SLC39A11: variants seen among roughly 807,000 people sequenced by gnomAD.
SLC39A11 encodes zinc transporter ZIP11.
A neutral mutation model predicts 36.1 loss-of-function variants in SLC39A11; 33 were observed. That is an observed-to-expected ratio of 0.91 (90% CI 0.69 to 1.22). SLC39A11 has a LOEUF of 1.22. Among genes scored for constraint, SLC39A11 ranks in the 50% most tolerant of loss-of-function variants. The probability of loss-of-function intolerance (pLI) is 0.00; values close to 1 mark genes in which losing one functional copy is unlikely to be tolerated. For synonymous variants in SLC39A11, 166 were observed against 170.3 expected, an observed-to-expected ratio of 0.97 and a Z score of 0.20; for missense variants, 432 against 430.3, an observed-to-expected ratio of 1.00 and a Z score of -0.03.
chr17:72,677,148 C>G (rs2071302270), intron 7 of SLC39A11, among the ~76,000 whole-genome samples: 1 of 152,128 alleles, frequency 6.6e-6, no homozygotes, highest in Admixed American at 6.5e-5. Context: ...GTGGCTGGAC[C>G]TAAGGGAAGC....
At chr17:72,721,008 A>G (rs2073641358) in intron 7 of SLC39A11, among the ~76,000 whole-genome samples, 1 of 151,190 alleles carries the variant, frequency 6.6e-6, no homozygotes, top group African/African-American at 2.4e-5. Flanking sequence ...AGGTCGCCTC[A>G]TAGCCTAGAA....
intron 7 of SLC39A11, among the ~76,000 whole-genome samples, chr17:72,693,732 G>C (rs778173889): frequency 6.6e-6 from 1 of 152,020 alleles, no homozygotes; most frequent in Admixed American, 6.6e-5. Context: ...GCGCAATCTC[G>C]GCTCACTCCA....
intron 4 of SLC39A11, among the ~76,000 whole-genome samples, chr17:72,972,249 T>A (rs1156610429): frequency 2.6e-5 from 4 of 152,126 alleles, no homozygotes; most frequent in Admixed American, 6.5e-5. Flanking sequence ...TCACGGCCCA[T>A]CATGTCCAGA....
intron 4 of SLC39A11, among the ~76,000 whole-genome samples, chr17:73,024,644 A>T (rs1025068853): frequency 6.6e-6 from 1 of 152,102 alleles, no homozygotes; most frequent in Non-Finnish European, 1.5e-5. Flanking sequence ...CAGTTGTCAT[A>T]TTTGTTCTCT....
intron 5 of SLC39A11, among the ~76,000 whole-genome samples, chr17:72,894,081 G>T (rs544575781): frequency 1.3e-5 from 2 of 152,174 alleles, no homozygotes; most frequent in East Asian, 3.9e-4. Flanking sequence ...TACAGAGGGG[G>T]TTGGGCATGG....
intron 7 of SLC39A11, among the ~76,000 whole-genome samples, chr17:72,709,939 T>G (rs1474772572): frequency 6.6e-6 from 1 of 152,230 alleles, no homozygotes; most frequent in Non-Finnish European, 1.5e-5. Flanking sequence ...CATCCTCAGA[T>G]TATTTTCCCC....
chr17:73,074,719 G>A (rs898344785), intron 3 of SLC39A11, among the ~76,000 whole-genome samples: 22 of 152,264 alleles, frequency 1.4e-4, no homozygotes, highest in African/African-American at 5.3e-4. Flanking sequence ...CCAACAGTGA[G>A]CCAGTTATTT....
intron 3 of SLC39A11, among the ~76,000 whole-genome samples, chr17:73,078,207 C>A (rs2060389168): frequency 6.8e-6 from 1 of 147,500 alleles, no homozygotes; most frequent in Admixed American, 6.8e-5. Flanking sequence ...CTTTGCAGTC[C>A]AGCCTAGGTG....
At chr17:73,084,685 A>T in intron 3 of SLC39A11, 123 bp downstream of exon 3, 2 of 845,848 alleles carry the variant, frequency 2.4e-6, no homozygotes, top group South Asian at 1.4e-5. Context: ...GGGAGGTGTT[A>T]GTGCCTGAGG....
intron 6 of SLC39A11, among the ~76,000 whole-genome samples, chr17:72,781,471 T>C (rs970011486): frequency 3.9e-5 from 6 of 152,150 alleles, no homozygotes; most frequent in African/African-American, 1.4e-4. Context: ...TCGCCCAGGC[T>C]GGAGTGCAAT....
chr17:72,757,742 G>A (rs2075413349), intron 6 of SLC39A11, among the ~76,000 whole-genome samples: 2 of 151,886 alleles, frequency 1.3e-5, no homozygotes, highest in Non-Finnish European at 2.9e-5. Context: ...CCTCCAGGCA[G>A]CCATCGCTGG....
At chr17:72,885,706 C>T in intron 5 of SLC39A11, among the ~76,000 whole-genome samples, 1 of 152,116 alleles carries the variant, frequency 6.6e-6, no homozygotes, top group Non-Finnish European at 1.5e-5. Flanking sequence ...GCCATTGGCC[C>T]AGCCACCTTT....
At chr17:72,696,141 A>G (rs1014785934) in intron 7 of SLC39A11, among the ~76,000 whole-genome samples, 1 of 152,002 alleles carries the variant, frequency 6.6e-6, no homozygotes, top group Non-Finnish European at 1.5e-5. Flanking sequence ...GCTTGTGAAG[A>G]TCTCGGAAGG....
intron 6 of SLC39A11, among the ~76,000 whole-genome samples, chr17:72,764,704 C>T (rs2075705894): frequency 1.3e-5 from 2 of 152,166 alleles, no homozygotes; most frequent in Non-Finnish European, 1.5e-5. Context: ...GTGCTCCCAG[C>T]TCAGGAGGTT....
Position 72,968,221 on chromosome 17 carries a change from T to C in SLC39A11, c.307-20346A>G, listed in dbSNP as rs373632932. 4.6e-5 allele frequency among the ~76,000 whole-genome samples: 7 copies of C among 152,092 alleles called. No homozygotes were observed. In the South Asian group the frequency reaches 1.2e-3, roughly 27 times the overall value. ...GGAAAGCAGGAAGGGAAGACATCAGTTCTAGAATTTAAAAGGAAGGCATCT... is the reference window on the plus strand; with the variant it reads ...GGAAAGCAGGAAGGGAAGACATCAGCTCTAGAATTTAAAAGGAAGGCATCT... On this transcript the variant is annotated intron_variant, in intron 4 of 9. Coordinates refer to ENST00000255559, the MANE Select transcript of SLC39A11 (RefSeq NM_139177.4).
chr17:72,790,537 C>CTCTT (rs558633548), intron 6 of SLC39A11, among the ~76,000 whole-genome samples: 237 of 145,488 alleles, frequency 1.6e-3, no homozygotes, highest in Non-Finnish European at 2.8e-3. Context: ...CTCTCTCTCT[C>CTCTT]TTTTTTTTTT....
intron 6 of SLC39A11, among the ~76,000 whole-genome samples, chr17:72,739,929 TAA>T (rs2074601579): frequency 6.6e-6 from 1 of 152,044 alleles, no homozygotes; most frequent in Non-Finnish European, 1.5e-5. Flanking sequence ...ACCAAGAACA[TAA>T]AGTCAATTGA....
At chr17:72,997,763 A>T (rs113191741) in intron 4 of SLC39A11, among the ~76,000 whole-genome samples, 4 of 152,188 alleles carry the variant, frequency 2.6e-5, no homozygotes, top group African/African-American at 7.2e-5. Context: ...CGCATTGTCT[A>T]CGCTAGCCAT....
intron 4 of SLC39A11, among the ~76,000 whole-genome samples, chr17:73,016,525 G>A (rs1487206811): frequency 1.3e-5 from 2 of 151,938 alleles, no homozygotes; most frequent in Non-Finnish European, 2.9e-5. Flanking sequence ...GTACAGACAG[G>A]GTTTCATCAT....
Sources: allele counts gnomAD v4.1 joint callset (sites outside exome capture counted in the v4.1 genomes callset), GRCh38; gene constraint gnomAD v4.1.1; transcripts MANE v1.5; gene names NCBI Gene and HGNC (gene_info 2026-07-23, HGNC 2026-07-21).